Variants in CALCR observed in about 807,000 individuals in gnomAD.
The protein encoded by CALCR is calcitonin receptor.
A neutral mutation model predicts 59.5 loss-of-function variants in CALCR; 47 were observed. The observed-to-expected ratio is 0.79, with a 90% CI of 0.63 to 1.01. The LOEUF is 1.01. CALCR is among the 50% of genes least tolerant of loss of function. The probability of loss-of-function intolerance (pLI) is 0.00; values close to 1 mark genes in which losing one functional copy is unlikely to be tolerated. For missense variants in CALCR, 566 were observed against 597.1 expected (o/e 0.95, Z 0.54); for synonymous variants, 213 against 211.3 (o/e 1.01, Z -0.07).
At chr7:93,515,223 T>G in intron 2 of CALCR, among the ~76,000 whole-genome samples, 1 of 152,066 alleles carries the variant, frequency 6.6e-6, no homozygotes, top group East Asian at 1.9e-4. Flanking sequence ...AAAAAATTTC[T>G]AACATATGAA....
At chr7:93,500,040 T>C (rs1801289293) in intron 2 of CALCR, among the ~76,000 whole-genome samples, 1 of 151,888 alleles carries the variant, frequency 6.6e-6, no homozygotes, top group African/African-American at 2.4e-5. Flanking sequence ...AGAATTCAAA[T>C]ATCCCCAACT....
Position 93,478,706 on chromosome 7 carries a change from T to C in CALCR, c.205+648A>G, listed in dbSNP as rs958292964. 2.0e-5 allele frequency among the ~76,000 whole-genome samples: 3 copies of C among 151,572 alleles called. No individual in the cohort carries two copies. The East Asian group carries it at 5.9e-4, about 30-fold the overall frequency. Reference sequence around the variant, plus strand: ...CTTTTCAAATGCCTCAGGGGACAAGTAGGAGAATTTAAAGGGATGTTGCAA... The same window carrying C: ...CTTTTCAAATGCCTCAGGGGACAAGCAGGAGAATTTAAAGGGATGTTGCAA... On this transcript the variant is annotated intron_variant, in intron 4 of 13. Transcript: ENST00000426151.
intron 2 of CALCR, among the ~76,000 whole-genome samples, chr7:93,532,010 A>G (rs1185340972): frequency 6.6e-6 from 1 of 152,114 alleles, no homozygotes; most frequent in Non-Finnish European, 1.5e-5. Flanking sequence ...CTGATATTTT[A>G]AAAAACAACT....
chr7:93,472,358 C>T lies in CALCR; in HGVS notation c.429+17G>A, dbSNP rs756079116. The T allele has an allele frequency of 1.0e-5, 14 of 1,384,882 alleles. No homozygotes were observed. The highest frequency in any genetic ancestry group is 2.9e-5 in the African/African-American group (2 of 70,102). 85.8% of individuals were successfully genotyped at this position (1,384,882 alleles called of 1,614,324 possible). Reference sequence around the variant, plus strand: ...ATGACATTCTCACTCAATACTGAAACGTGAAAAAGAACCTACCTTCAGTTT... The same window carrying T: ...ATGACATTCTCACTCAATACTGAAATGTGAAAAAGAACCTACCTTCAGTTT... On this transcript the variant is annotated intron_variant, in intron 6 of 13. Transcript: ENST00000426151.
At chr7:93,505,743 G>A (rs6962185) in intron 2 of CALCR, among the ~76,000 whole-genome samples, 60,700 of 151,912 alleles carry the variant, frequency 0.4, 12,858 homozygotes, top group South Asian at 0.48. Flanking sequence ...GCAAAATCAC[G>A]CGCACACACT....
At chr7:93,435,061 G>A (rs1243966984) in intron 12 of CALCR, among the ~76,000 whole-genome samples, 1 of 152,074 alleles carries the variant, frequency 6.6e-6, no homozygotes, top group African/African-American at 2.4e-5. Context: ...TGCTTTCAAT[G>A]GGGCTTTAGA....
intron 2 of CALCR, among the ~76,000 whole-genome samples, chr7:93,563,548 T>C (rs1244773459): frequency 1.3e-5 from 2 of 152,210 alleles, no homozygotes; most frequent in Non-Finnish European, 2.9e-5. Context: ...ATTTCCCTTT[T>C]GTGTAAATCA....
At chr7:93,511,479 G>A (rs1467418636) in intron 2 of CALCR, among the ~76,000 whole-genome samples, 2 of 152,000 alleles carry the variant, frequency 1.3e-5, no homozygotes, top group Non-Finnish European at 2.9e-5. Context: ...AGGCTTACAT[G>A]GAGTTTTATA....
intron 3 of CALCR, chr7:93,483,819 G>T: frequency 3.2e-6 from 1 of 310,002 alleles, no homozygotes; most frequent in Non-Finnish European, 7.0e-6. Flanking sequence ...ATAGAAATGA[G>T]ATATTAAGGG....
At chr7:93,525,315 T>G (rs1483394676) in intron 2 of CALCR, among the ~76,000 whole-genome samples, 1 of 152,192 alleles carries the variant, frequency 6.6e-6, no homozygotes, top group Non-Finnish European at 1.5e-5. Context: ...ATTAAAAAGA[T>G]TTTTTTGACA....
At chr7:93,429,925 T>G (rs1460669055) in intron 13 of CALCR, among the ~76,000 whole-genome samples, 27 of 102,564 alleles carry the variant, frequency 2.6e-4, no homozygotes, top group African/African-American at 1.1e-3. Context: ...TTTTTTTTTT[T>G]GTTTGTTTGT....
intron 13 of CALCR, among the ~76,000 whole-genome samples, chr7:93,432,403 G>A (rs962780020): frequency 3.3e-5 from 5 of 152,184 alleles, no homozygotes; most frequent in South Asian, 2.1e-4. Flanking sequence ...TGATGCATTC[G>A]CAGAATGACC....
chr7:93,526,396 G>A (rs1057175269), intron 2 of CALCR, among the ~76,000 whole-genome samples: 2 of 151,998 alleles, frequency 1.3e-5, no homozygotes, highest in South Asian at 2.1e-4. Context: ...AGCAAAGAAG[G>A]GGGGAAAAGG....
chr7:93,490,997 C>T (rs1801062695), intron 2 of CALCR, among the ~76,000 whole-genome samples: 1 of 152,006 alleles, frequency 6.6e-6, no homozygotes, highest in East Asian at 1.9e-4. Context: ...CACTACCTGA[C>T]TTCAAACTAT....
At position 93,503,770 on chromosome 7, in the gene CALCR, G is replaced by C. The variant is rs182060842; in HGVS notation, c.-26-16763C>G. ...AATTGCTTGGGTCTGCTTTCAATCT[G>C]TCTTCAGATAACTGGAAATATACTT... On this transcript the variant is annotated intron_variant, in intron 2 of 13. Coordinates refer to ENST00000426151, the MANE Select transcript of CALCR (RefSeq NM_001742.4). Among the ~76,000 whole-genome samples, 339 of 152,168 alleles carry C rather than the reference G, an allele frequency of 2.2e-3. 1 individual carries two copies. The highest frequency in any genetic ancestry group is 5.9e-4 in the Non-Finnish European group (40 of 68,010).
chr7:93,434,381 G>T, intron 12 of CALCR, 87 bp from the exon 13 acceptor site: 1 of 765,716 alleles, frequency 1.3e-6, no homozygotes. Flanking sequence ...GCCCAGAGAA[G>T]GCCTGATGAA....
At chr7:93,507,605 T>A (rs896618395) in intron 2 of CALCR, among the ~76,000 whole-genome samples, 1 of 150,654 alleles carries the variant, frequency 6.6e-6, no homozygotes, top group Non-Finnish European at 1.5e-5. Context: ...TGATGAAGTC[T>A]GCATTAAAAA....
chr7:93,539,944 G>A (rs1253066624), intron 2 of CALCR, among the ~76,000 whole-genome samples: 1 of 152,174 alleles, frequency 6.6e-6, no homozygotes, highest in Non-Finnish European at 1.5e-5. Context: ...TGAAGCAGAG[G>A]AGCATACAGC....
chr7:93,556,650 C>A (rs1433441081), intron 2 of CALCR, among the ~76,000 whole-genome samples: 3 of 151,816 alleles, frequency 2.0e-5, no homozygotes, highest in African/African-American at 7.3e-5. Flanking sequence ...TTTTACACAA[C>A]AGGATCTTTT....
Sources: allele counts gnomAD v4.1 joint callset (sites outside exome capture counted in the v4.1 genomes callset), GRCh38; gene constraint gnomAD v4.1.1; transcripts MANE v1.5; gene names NCBI Gene and HGNC (gene_info 2026-07-23, HGNC 2026-07-21).